ATP6V1A: variants seen among roughly 807,000 people sequenced by gnomAD.
The protein encoded by ATP6V1A is V-type proton ATPase catalytic subunit A.
ATP6V1A carries 18 observed loss-of-function variants against 70.1 expected under a neutral mutation model. The observed-to-expected ratio is 0.26, with a 90% CI of 0.18 to 0.38. ATP6V1A has a LOEUF of 0.38. Ranked by LOEUF, ATP6V1A falls within the 10% of genes least tolerant of loss-of-function variation. ATP6V1A has a pLI of 1.00. For synonymous variants in ATP6V1A, 232 were observed against 253.8 expected (o/e 0.91, Z 0.82); for missense variants, 424 against 772.4 (o/e 0.55, Z 5.35).
intron 1 of ATP6V1A, among the ~76,000 whole-genome samples, chr3:113,748,331 C>T (rs1170772666): frequency 2.0e-5 from 3 of 152,312 alleles, no homozygotes; most frequent in East Asian, 1.9e-4. Context: ...TGTGGTTAAA[C>T]TCTTTTATTT....
chr3:113,753,132 C>T (rs560551239), intron 1 of ATP6V1A, among the ~76,000 whole-genome samples: 22 of 152,248 alleles, frequency 1.4e-4, no homozygotes, highest in African/African-American at 5.1e-4. Context: ...AGAAAAAGTT[C>T]ACCCAGTAAA....
intron 1 of ATP6V1A, among the ~76,000 whole-genome samples, chr3:113,765,127 G>T (rs1254716386): frequency 6.6e-6 from 1 of 151,834 alleles, no homozygotes; most frequent in African/African-American, 2.4e-5. Context: ...TAGCAAAGTT[G>T]TATCGAGTCT....
At chr3:113,778,999 A>G (rs1393747188) in intron 2 of ATP6V1A, 164 bp downstream of exon 2, 4 of 433,964 alleles carry the variant, frequency 9.2e-6, no homozygotes, top group Non-Finnish European at 1.7e-5. Context: ...AATCTCTGTC[A>G]TAAGGGCTCA....
At position 113,809,992 on chromosome 3, in the gene ATP6V1A, G is replaced by T. The variant is rs1165102072; in HGVS notation, c.*565G>T. ...CCCCCAGTATAAATCAGGAATGTTT[G>T]TGAGAAACCATTGGGAACTATACTC... On this transcript the variant is annotated 3_prime_UTR_variant, in exon 15 of 15. Coordinates refer to ENST00000273398, the MANE Select transcript of ATP6V1A (RefSeq NM_001690.4). The T allele has an allele frequency of 6.6e-6, 1 of 151,978 alleles. No individual in the cohort carries two copies. The highest frequency in any genetic ancestry group is 1.5e-5 in the Non-Finnish European group (1 of 67,974). The allele number at this position is 151,978 out of a possible 1,614,324, so 9.4% of individuals were successfully genotyped here.
At chr3:113,784,633 C>G in intron 4 of ATP6V1A, 63 bp from the exon 5 acceptor site, 1 of 1,571,410 alleles carries the variant, frequency 6.4e-7, no homozygotes, top group Non-Finnish European at 8.7e-7. Context: ...TAAATTATAG[C>G]AGCAGGGGCA....
At chr3:113,774,500 C>T (rs1422838223) in intron 1 of ATP6V1A, among the ~76,000 whole-genome samples, 2 of 151,916 alleles carry the variant, frequency 1.3e-5, no homozygotes, top group African/African-American at 2.4e-5. Context: ...GTCTTCAAAC[C>T]GTGGCATTTG....
chr3:113,788,688 T>TC lies in ATP6V1A; in HGVS notation c.717-23dup, dbSNP rs141858455. ...TAATATCTATTAGCAAGTCAAGTAATCCATACTTTGTTTTCTTTGTTTAGG... is the reference window on the plus strand; with the variant it reads ...TAATATCTATTAGCAAGTCAAGTAATCCCATACTTTGTTTTCTTTGTTTAGG... On this transcript the variant is annotated intron_variant, in intron 6 of 14. Coordinates refer to ENST00000273398, the MANE Select transcript of ATP6V1A (RefSeq NM_001690.4). The TC allele has an allele frequency of 2.7e-3, 4,357 of 1,604,468 alleles. 115 individuals are homozygous for TC. In the African/African-American group the frequency reaches 0.05, roughly 18 times the overall value.
chr3:113,791,658 T>C (rs2108035673), intron 8 of ATP6V1A, among the ~76,000 whole-genome samples: 1 of 152,304 alleles, frequency 6.6e-6, no homozygotes, highest in Admixed American at 6.5e-5. Flanking sequence ...TATTTTACTC[T>C]TCTTGCCTGA....
chr3:113,763,917 C>T (rs1168810653), intron 1 of ATP6V1A, among the ~76,000 whole-genome samples: 2 of 152,134 alleles, frequency 1.3e-5, no homozygotes, highest in Admixed American at 1.3e-4. Flanking sequence ...GGTTGTCTTA[C>T]CTTGACTTTA....
At chr3:113,762,397 T>C (rs1214904557) in intron 1 of ATP6V1A, among the ~76,000 whole-genome samples, 4 of 152,036 alleles carry the variant, frequency 2.6e-5, no homozygotes, top group African/African-American at 9.7e-5. Context: ...GGAGAAACCC[T>C]GTCTCCACTA....
chr3:113,811,665 G>A lies in ATP6V1A; in HGVS notation c.*2238G>A, dbSNP rs748184861. 2 of 152,580 alleles carry A rather than the reference G, an allele frequency of 1.3e-5. No individual in the cohort carries two copies. The highest frequency in any genetic ancestry group is 2.9e-5 in the Non-Finnish European group (2 of 68,026). The allele number at this position is 152,580 out of a possible 1,614,324, so 9.5% of individuals were successfully genotyped here. On this transcript the variant is annotated 3_prime_UTR_variant, in exon 15 of 15. Coordinates refer to ENST00000273398, the MANE Select transcript of ATP6V1A (RefSeq NM_001690.4). ...TCTTATTCCCTTTAAGAATGTTTAT[G>A]TATGAGTGTGAAGATGCTAGCGAAC...
intron 4 of ATP6V1A, 83 bp from the exon 5 acceptor site, chr3:113,784,613 G>C (rs1275991347): frequency 2.0e-6 from 3 of 1,519,520 alleles, no homozygotes; most frequent in Non-Finnish European, 2.7e-6. Flanking sequence ...GATAAGTCAG[G>C]TAATTGATTT....
chr3:113,762,325 T>A (rs1708713467), intron 1 of ATP6V1A, among the ~76,000 whole-genome samples: 1 of 151,774 alleles, frequency 6.6e-6, no homozygotes, highest in African/African-American at 2.4e-5. Context: ...TCCCAGCACT[T>A]TGGGAGGCCA....
chr3:113,758,998 G>A (rs1708673474), intron 1 of ATP6V1A, among the ~76,000 whole-genome samples: 1 of 152,130 alleles, frequency 6.6e-6, no homozygotes, highest in South Asian at 2.1e-4. Context: ...TCTTTTGCCT[G>A]TTTTAATTGA....
At chr3:113,767,451 A>G (rs1708786351) in intron 1 of ATP6V1A, among the ~76,000 whole-genome samples, 1 of 152,162 alleles carries the variant, frequency 6.6e-6, no homozygotes, top group African/African-American at 2.4e-5. Flanking sequence ...ACACTATGCC[A>G]TATGGAAGGG....
At chr3:113,756,262 C>G (rs1420044133) in intron 1 of ATP6V1A, among the ~76,000 whole-genome samples, 1 of 152,166 alleles carries the variant, frequency 6.6e-6, no homozygotes, top group Non-Finnish European at 1.5e-5. Context: ...AGGTATTTAA[C>G]CAGCCTCCAT....
At chr3:113,770,459 C>G (rs935594466) in intron 1 of ATP6V1A, among the ~76,000 whole-genome samples, 5 of 152,082 alleles carry the variant, frequency 3.3e-5, no homozygotes, top group Admixed American at 6.5e-5. Flanking sequence ...GGGTGGATCT[C>G]CTGAGGTCAG....
intron 1 of ATP6V1A, among the ~76,000 whole-genome samples, chr3:113,769,823 T>A (rs1156731395): frequency 2.6e-5 from 4 of 152,210 alleles, no homozygotes; most frequent in African/African-American, 9.6e-5. Context: ...TTTAAATCTT[T>A]CACAAATTGG....
chr3:113,811,978 G>A lies in ATP6V1A; in HGVS notation c.*2551G>A, dbSNP rs1709346183. The A allele has an allele frequency of 6.6e-6, 1 of 152,472 alleles. No individual in the cohort carries two copies. Among genetic ancestry groups the A allele is most frequent in the South Asian group, 2.1e-4 (1 of 4,824 alleles). The allele number at this position is 152,472 out of a possible 1,614,324, so 9.4% of individuals were successfully genotyped here. A position where few individuals can be genotyped will look rare whatever the true frequency, so the allele number is the denominator to read the frequency against. On this transcript the variant is annotated 3_prime_UTR_variant, in exon 15 of 15. Transcript: ENST00000273398. ...CCATATATATTGCCTCCTTATCCTT[G>A]AGATTTCACTACCTTTATGTTAAAA...
Sources: allele counts gnomAD v4.1 joint callset (sites outside exome capture counted in the v4.1 genomes callset), GRCh38; gene constraint gnomAD v4.1.1; transcripts MANE v1.5; gene names NCBI Gene and HGNC (gene_info 2026-07-23, HGNC 2026-07-21).